GINS1: variants seen among roughly 807,000 people sequenced by gnomAD.
The protein encoded by GINS1 is GINS complex subunit 1.
In GINS1, 26 loss-of-function variants were observed where a neutral mutation model predicts 34.9. The observed-to-expected ratio is 0.74, with a 90% CI of 0.55 to 1.03. The LOEUF (loss-of-function observed/expected upper bound fraction) is 1.03, where lower values mean the gene tolerates loss of function less well. Among genes scored for constraint, GINS1 ranks in the 50% least tolerant of loss-of-function variants. GINS1 has a pLI of 0.00. For synonymous variants in GINS1, 97 were observed against 84.4 expected (o/e 1.15, Z -0.82); for missense variants, 235 against 237.9 (o/e 0.99, Z 0.08).
chr20:25,443,980 T>TTATCTATCTATCTATCTATCTATCTATC (rs35231046), intron 6 of GINS1, among the ~76,000 whole-genome samples: 36 of 142,918 alleles, frequency 2.5e-4, no homozygotes, highest in East Asian at 4.3e-4. Context: ...TAGGAAACAT[T>TTATCTATCTATCTATCTATCTATCTATC]TATCTATCTA....
chr20:25,415,871 G>A (rs2090317692), intron 2 of GINS1, among the ~76,000 whole-genome samples: 1 of 152,162 alleles, frequency 6.6e-6, no homozygotes, highest in Non-Finnish European at 1.5e-5. Context: ...TCTCTCCAAA[G>A]AGGAGACATT....
chr20:25,408,985 C>T (rs1052935241), intron 1 of GINS1: 7 of 984,594 alleles, frequency 7.1e-6, no homozygotes, highest in African/African-American at 1.7e-5. Flanking sequence ...GCAAGGAGCA[C>T]GAAGGAGAAA....
chr20:25,430,750 G>A (rs1381222272), intron 5 of GINS1, among the ~76,000 whole-genome samples: 3 of 152,070 alleles, frequency 2.0e-5, no homozygotes, highest in Admixed American at 6.6e-5. Flanking sequence ...GGCTGGTCTC[G>A]AACTCCCGAC....
At chr20:25,428,969 C>CTCTTTT (rs2090410211) in intron 5 of GINS1, among the ~76,000 whole-genome samples, 1 of 127,442 alleles carries the variant, frequency 7.8e-6, no homozygotes, top group Admixed American at 8.0e-5. Flanking sequence ...ATTCCTCTCT[C>CTCTTTT]TTTTTTTTTT....
chr20:25,432,855 T>C (rs1814525327), intron 5 of GINS1, among the ~76,000 whole-genome samples: 2 of 148,514 alleles, frequency 1.3e-5, no homozygotes, highest in African/African-American at 4.9e-5. Flanking sequence ...TAGTATATGT[T>C]TATTATATAT....
At chr20:25,423,452 C>CTTTT (rs1159340467) in intron 4 of GINS1, among the ~76,000 whole-genome samples, 421 of 30,042 alleles carry the variant, frequency 0.014, 33 homozygotes, top group Non-Finnish European at 0.019. Context: ...TTTTTCTTTT[C>CTTTT]TTTTTTTTTT....
intron 1 of GINS1, 22 bp from the exon 2 acceptor site, chr20:25,413,768 A>G (rs2090302388): frequency 3.5e-6 from 5 of 1,431,346 alleles, no homozygotes; most frequent in Non-Finnish European, 3.9e-6. Flanking sequence ...AGTGGATTTC[A>G]ATATCGGTTT....
chr20:25,417,167 T>C lies in GINS1; in HGVS notation c.204T>C (p.Ser68=). ...CAACTATCAAATTTCGACACTGTTC[T>C]CTGTTAAGAAATCGACGCTGCACTG... The part of the protein sequence containing the change: ...LIPTIKFRHC[S]LLRNRRCTVA... The change falls in exon 3 of 7, where the codon TCT becomes TCC. Residue 68 remains serine, a synonymous_variant. Coordinates refer to ENST00000262460, the MANE Select transcript of GINS1 (RefSeq NM_021067.5). 1 of 1,598,950 alleles carries C rather than the reference T, an allele frequency of 6.3e-7. No individual in the cohort carries two copies. The highest frequency in any genetic ancestry group is 8.6e-7 in the Non-Finnish European group (1 of 1,166,656).
chr20:25,413,936 A>T (rs1250941133), intron 2 of GINS1, 82 bp downstream of exon 2: 1 of 800,896 alleles, frequency 1.2e-6, no homozygotes, highest in African/African-American at 1.7e-5. Context: ...TCACGCCTGT[A>T]ATCCCAGCAC....
At chr20:25,412,799 C>T (rs909314902) in intron 1 of GINS1, among the ~76,000 whole-genome samples, 1 of 152,166 alleles carries the variant, frequency 6.6e-6, no homozygotes, top group African/African-American at 2.4e-5. Flanking sequence ...TACATACCTA[C>T]TGTGTACCCA....
intron 5 of GINS1, among the ~76,000 whole-genome samples, chr20:25,428,528 C>T (rs1467220669): frequency 2.7e-5 from 4 of 150,844 alleles, no homozygotes; most frequent in African/African-American, 9.8e-5. Flanking sequence ...CTCAGCCTCC[C>T]GAGTAGCTGG....
intron 5 of GINS1, among the ~76,000 whole-genome samples, chr20:25,441,201 G>T (rs1486652508): frequency 6.6e-6 from 1 of 152,200 alleles, no homozygotes; most frequent in Non-Finnish European, 1.5e-5. Context: ...TGTCACGTGA[G>T]GTGGCATCTG....
intron 5 of GINS1, among the ~76,000 whole-genome samples, chr20:25,434,459 A>G (rs373772544): frequency 1.6e-5 from 2 of 127,524 alleles, no homozygotes; most frequent in African/African-American, 6.0e-5. Flanking sequence ...TTTTTTTTTT[A>G]AAGAGACAAG....
intron 4 of GINS1, among the ~76,000 whole-genome samples, chr20:25,425,000 A>T (rs1221022636): frequency 1.3e-5 from 2 of 152,222 alleles, no homozygotes; most frequent in African/African-American, 4.8e-5. Flanking sequence ...GCTCTCTGAG[A>T]ACAGAGATTT....
At chr20:25,412,238 T>A (rs955008386) in intron 1 of GINS1, among the ~76,000 whole-genome samples, 2 of 152,208 alleles carry the variant, frequency 1.3e-5, no homozygotes, top group Non-Finnish European at 2.9e-5. Flanking sequence ...TCCTTTTTCT[T>A]TCTTTTGGTA....
At chr20:25,445,579 C>T (rs1253911712) in intron 6 of GINS1, among the ~76,000 whole-genome samples, 1 of 152,204 alleles carries the variant, frequency 6.6e-6, no homozygotes, top group Non-Finnish European at 1.5e-5. Context: ...GATCTCCTGA[C>T]CTCGTGATCC....
chr20:25,417,593 T>C lies in GINS1; in HGVS notation c.239+391T>C, dbSNP rs143247034. ...ACCTTTGGCCAGGCACAGTGGCTCA[T>C]GCCTATAATCCCAGCAATTTTGGAG... On this transcript the variant is annotated intron_variant, in intron 3 of 6. Coordinates refer to ENST00000262460, the MANE Select transcript of GINS1 (RefSeq NM_021067.5). 7.1e-3 allele frequency among the ~76,000 whole-genome samples: 1,074 copies of C among 152,300 alleles called. 14 individuals carry two copies. Among genetic ancestry groups the C allele is most frequent in the African/African-American group, 0.022 (907 of 41,558 alleles).
intron 2 of GINS1, among the ~76,000 whole-genome samples, chr20:25,416,484 T>C (rs1447017446): frequency 3.3e-5 from 5 of 152,234 alleles, no homozygotes; most frequent in African/African-American, 9.6e-5. Flanking sequence ...TCTTTTTATA[T>C]GCATATGGTT....
chr20:25,408,224 C>T (rs1485962013), intron 1 of GINS1, among the ~76,000 whole-genome samples: 2 of 152,172 alleles, frequency 1.3e-5, no homozygotes, highest in African/African-American at 4.8e-5. Context: ...TCAGTAAAAG[C>T]TAGGCCTCTG....
Sources: gnomAD v4.1 joint callset for allele counts (sites outside exome capture counted in the v4.1 genomes callset) on GRCh38, gnomAD v4.1.1 for gene constraint, MANE v1.5 for transcripts, NCBI Gene and HGNC (gene_info 2026-07-23, HGNC 2026-07-21) for gene names.